PRTG: variants seen among roughly 807,000 people sequenced by gnomAD.
The protein encoded by PRTG is protogenin.
PRTG carries 67 observed loss-of-function variants against 122.5 expected under a neutral mutation model. The ratio of observed to expected loss-of-function variants is 0.55; its 90% CI spans 0.45 to 0.67. The LOEUF (loss-of-function observed/expected upper bound fraction) is 0.67. PRTG is among the 30% of genes least tolerant of loss of function. The pLI is 0.00. For synonymous variants in PRTG, 554 were observed against 501.1 expected, an observed-to-expected ratio of 1.11 and a Z score of -1.41; for missense variants, 1,435 against 1,415.4, an observed-to-expected ratio of 1.01 and a Z score of -0.22.
chr15:55,642,016 T>C (rs1411271147), intron 11 of PRTG, among the ~76,000 whole-genome samples: 2 of 149,572 alleles, frequency 1.3e-5, no homozygotes, highest in Admixed American at 1.3e-4. Context: ...CTACTAAAAA[T>C]ACAAAAAATT....
At chr15:55,738,686 A>C (rs989893123) in intron 2 of PRTG, 15 of 418,982 alleles carry the variant, frequency 3.6e-5, no homozygotes, top group African/African-American at 3.1e-4. Context: ...TTACTCCATG[A>C]AAAAAATAAT....
chr15:55,652,719 A>T (rs1010842460), intron 11 of PRTG, among the ~76,000 whole-genome samples: 1 of 152,200 alleles, frequency 6.6e-6, no homozygotes, highest in Non-Finnish European at 1.5e-5. Flanking sequence ...ATAAAATGCT[A>T]TGTGTAAGCA....
At chr15:55,665,349 G>A (rs982652933) in intron 11 of PRTG, among the ~76,000 whole-genome samples, 3 of 152,252 alleles carry the variant, frequency 2.0e-5, no homozygotes, top group Admixed American at 2.0e-4. Flanking sequence ...GGGGAGGCCT[G>A]AAATTCAGCA....
At position 55,642,180 on chromosome 15, in the gene PRTG, CAAAAAAA is replaced by C. The variant is rs761440348; in HGVS notation, c.2042-979_2042-973del. ...TGGGCGACAGAGCGAGACTCCGTCT[CAAAAAAA>C]AAAAAAAAAAAAAAAATAGTTATAC... On this transcript the variant is annotated intron_variant, in intron 11 of 19. Transcript: ENST00000389286. Among the ~76,000 whole-genome samples the C allele has an allele frequency of 7.0e-4, 47 of 66,744 alleles. 1 individual carries two copies. The highest frequency in any genetic ancestry group is 2.7e-3 in the Admixed American group (16 of 5,906). 43.8% of individuals were successfully genotyped at this position (66,744 alleles called of 152,430 possible).
chr15:55,688,820 G>T (rs1022490816), intron 2 of PRTG, among the ~76,000 whole-genome samples: 1 of 152,206 alleles, frequency 6.6e-6, no homozygotes, highest in Non-Finnish European at 1.5e-5. Flanking sequence ...GTGACAGAGC[G>T]AGACTCCATC....
intron 2 of PRTG, among the ~76,000 whole-genome samples, chr15:55,707,179 TA>T (rs1197589396): frequency 6.6e-6 from 1 of 152,238 alleles, no homozygotes; most frequent in East Asian, 1.9e-4. Flanking sequence ...ATTCACTTGC[TA>T]TTGAATTCTT....
chr15:55,729,500 C>G (rs1031829170), intron 2 of PRTG, among the ~76,000 whole-genome samples: 2 of 151,948 alleles, frequency 1.3e-5, no homozygotes, highest in Non-Finnish European at 2.9e-5. Flanking sequence ...GGTGCACTGG[C>G]ACACACCTAT....
intron 2 of PRTG, among the ~76,000 whole-genome samples, chr15:55,735,695 C>T (rs1032129657): frequency 6.8e-6 from 1 of 147,882 alleles, no homozygotes; most frequent in Non-Finnish European, 1.5e-5. Flanking sequence ...TCTAATTCTA[C>T]CCCTCACTGG....
Position 55,679,303 on chromosome 15 carries a change from T to C in PRTG, c.1116A>G (p.Arg372=), listed in dbSNP as rs2059523299. The change falls in exon 7 of 20, where the codon AGA becomes AGG. Residue 372 remains arginine, a synonymous_variant. Transcript: ENST00000389286. ...CAGCCTACCTGTTGTACATTTTAAT[T>C]CTACCATTCGAATGTATCTTCCTTC... ...KNGRKIHSNG[R]IKMYNSKLVI... 2 of 1,612,112 alleles carry C rather than the reference T, an allele frequency of 1.2e-6. No homozygotes were observed.
intron 15 of PRTG, among the ~76,000 whole-genome samples, chr15:55,632,048 T>C (rs2059230461): frequency 6.6e-6 from 1 of 152,016 alleles, no homozygotes; most frequent in African/African-American, 2.4e-5. Context: ...GCTTATGTGA[T>C]TTTTTTTCCA....
chr15:55,639,814 T>C lies in PRTG; in HGVS notation c.2152A>G (p.Met718Val), dbSNP rs781140561. ...TPGCVSVRDR[M>V]VPPPPPPHHL... ...TGGGGTGGTGGTGGAGGAGGGACCA[T>C]GCGATCACGAACAGCTATTGAGAAA... Residue 718 changes from methionine (M) to valine (V), a missense_variant, in exon 13 of 20, where the codon ATG (methionine) becomes GTG (valine). Met to Val is a conservative substitution (Grantham distance 21, BLOSUM62 1). Coordinates refer to ENST00000389286, the MANE Select transcript of PRTG (RefSeq NM_173814.6). 2.5e-6 allele frequency: 4 copies of C among 1,614,020 alleles called. No individual in the cohort carries two copies. The highest frequency in any genetic ancestry group is 2.2e-5 in the East Asian group (1 of 44,880).
At chr15:55,652,711 A>T (rs1484838961) in intron 11 of PRTG, among the ~76,000 whole-genome samples, 1 of 152,238 alleles carries the variant, frequency 6.6e-6, no homozygotes, top group Non-Finnish European at 1.5e-5. Flanking sequence ...ACGCTACGAT[A>T]AAATGCTATG....
At chr15:55,654,947 T>A (rs2059372253) in intron 11 of PRTG, 1 of 152,142 alleles carries the variant, frequency 6.6e-6, no homozygotes, top group Non-Finnish European at 1.5e-5. Context: ...TTGATAACCA[T>A]CCCTTCAAAT....
intron 14 of PRTG, 72 bp downstream of exon 14, chr15:55,638,477 G>T: frequency 2.5e-6 from 3 of 1,205,034 alleles, no homozygotes; most frequent in South Asian, 1.5e-5. Context: ...TACACAGAAT[G>T]ACATACATAT....
chr15:55,714,320 G>C (rs2030516906), intron 2 of PRTG, among the ~76,000 whole-genome samples: 1 of 151,746 alleles, frequency 6.6e-6, no homozygotes, highest in Admixed American at 6.6e-5. Context: ...GGAACCCCTG[G>C]AGTTAAAGTG....
intron 11 of PRTG, among the ~76,000 whole-genome samples, chr15:55,644,992 C>T (rs2059312502): frequency 6.6e-6 from 1 of 152,160 alleles, no homozygotes; most frequent in South Asian, 2.1e-4. Context: ...GGATTTACCA[C>T]ACCTTCCTCT....
In PRTG at chr15:55,737,976, T is replaced by TTCTCTCTCTCTCTC. The variant is rs376933626; in HGVS notation, c.397+2392_397+2405dup. On this transcript the variant is annotated intron_variant, in intron 2 of 19. Transcript: ENST00000389286. ...AACCAGAATGTCCACTTAATGCCTATTCTCTCTCTCTCTCTCTCTCTCTCT... is the reference window on the plus strand; with the variant it reads ...AACCAGAATGTCCACTTAATGCCTATTCTCTCTCTCTCTCTCTCTCTCTCTCTCTCTCTCTCTCT... 2.4e-3 allele frequency among the ~76,000 whole-genome samples: 219 copies of TTCTCTCTCTCTCTC among 91,626 alleles called. 1 individual carries two copies. Among genetic ancestry groups the TTCTCTCTCTCTCTC allele is most frequent in the African/African-American group, 4.1e-3 (85 of 20,590 alleles). 60.1% of individuals were successfully genotyped at this position (91,626 alleles called of 152,430 possible).
At position 55,628,846 on chromosome 15, in the gene PRTG, G is replaced by A; in HGVS notation, c.2782C>T (p.Arg928Cys). 4 of 1,613,576 alleles carry A rather than the reference G, an allele frequency of 2.5e-6. No homozygotes were observed. Among genetic ancestry groups the A allele is most frequent in the Non-Finnish European group, 3.4e-6 (4 of 1,179,668 alleles). ...CCTTTGGCATCAGCAGAATCTAAAC[G>A]CTTGGGCCTCTGATTTGATTCAGAG... ...ETSESNQRPK[R>C]LDSADAKVYS... is the part of the protein sequence containing the mutation. The change falls in exon 16 of 20, where the codon CGT becomes TGT. Residue 928 changes from arginine (R) to cysteine (C), a missense_variant. By Grantham distance (180) the Arg-to-Cys change is radical. Coordinates refer to ENST00000389286, the MANE Select transcript of PRTG (RefSeq NM_173814.6).
chr15:55,655,671 G>A (rs1477380030), intron 11 of PRTG: 1 of 151,896 alleles, frequency 6.6e-6, no homozygotes, highest in African/African-American at 2.4e-5. Flanking sequence ...AGTATGAACA[G>A]GCGGGCTCTG....
Sources: allele counts gnomAD v4.1 joint callset (sites outside exome capture counted in the v4.1 genomes callset), GRCh38; gene constraint gnomAD v4.1.1; transcripts MANE v1.5; gene names NCBI Gene and HGNC (gene_info 2026-07-23, HGNC 2026-07-21).